The following CHST1 variants were observed in gnomAD, a reference collection of about 807,000 sequenced individuals.
The protein encoded by CHST1 is Keratan sulfotransferase.
CHST1 carries 10 observed loss-of-function variants against 22.5 expected under a neutral mutation model. That is an observed-to-expected ratio of 0.44 (90% CI 0.27 to 0.75). The LOEUF is 0.75. Ranked by LOEUF, CHST1 falls within the 30% of genes least tolerant of loss-of-function variation. CHST1 has a pLI of 0.15. For synonymous variants in CHST1, 267 were observed against 264.5 expected (o/e 1.01, Z -0.09); for missense variants, 439 against 576.1 (o/e 0.76, Z 2.44).
At chr11:45,654,226 C>T (rs1435776247) in intron 1 of CHST1, among the ~76,000 whole-genome samples, 1 of 151,890 alleles carries the variant, frequency 6.6e-6, no homozygotes, top group Non-Finnish European at 1.5e-5. Flanking sequence ...CCCAGAGAAA[C>T]TTAAGGCCAG....
At chr11:45,654,139 TTTTA>T (rs908721343) in intron 1 of CHST1, among the ~76,000 whole-genome samples, 2 of 152,186 alleles carry the variant, frequency 1.3e-5, no homozygotes, top group African/African-American at 4.8e-5. Flanking sequence ...CACCCTAGGG[TTTTA>T]TTTAAAGAGA....
intron 1 of CHST1, among the ~76,000 whole-genome samples, chr11:45,662,429 A>G (rs1260170673): frequency 1.3e-5 from 2 of 152,114 alleles, no homozygotes; most frequent in Non-Finnish European, 2.9e-5. Flanking sequence ...CCTGAAACAA[A>G]TGCTCCGTAG....
intron 1 of CHST1, among the ~76,000 whole-genome samples, chr11:45,662,522 G>A (rs1335385986): frequency 6.6e-6 from 1 of 152,206 alleles, no homozygotes; most frequent in African/African-American, 2.4e-5. Flanking sequence ...GGCCAGCCCA[G>A]CAAGATGTCA....
At chr11:45,661,038 A>G (rs1468586267) in intron 1 of CHST1, among the ~76,000 whole-genome samples, 2 of 152,264 alleles carry the variant, frequency 1.3e-5, no homozygotes, top group Admixed American at 1.3e-4. Flanking sequence ...ATCATGCCTG[A>G]CAAACTTGAT....
In CHST1 at chr11:45,649,362, G is replaced by A; in HGVS notation, c.*326C>T. 1 of 341,458 alleles carries A rather than the reference G, an allele frequency of 2.9e-6. No homozygotes were observed. 21.2% of individuals were successfully genotyped at this position (341,458 alleles called of 1,614,324 possible). Reference sequence around the variant, plus strand: ...AAAAGCTTGAGAAGTCGCCTCGCGAGTGCCCGTGTGCGTGTGTGGATGTGT... The same window carrying A: ...AAAAGCTTGAGAAGTCGCCTCGCGAATGCCCGTGTGCGTGTGTGGATGTGT... On this transcript the variant is annotated 3_prime_UTR_variant, in exon 4 of 4. Transcript: ENST00000308064.
chr11:45,650,541 TAGAGG>T lies in CHST1; in HGVS notation c.378_382del (p.Ser126ArgfsTer301). The T allele has an allele frequency of 6.2e-7, 1 of 1,613,872 alleles. No homozygotes were observed. The highest frequency in any genetic ancestry group is 8.5e-7 in the Non-Finnish European group (1 of 1,179,950). The stretch of plus-strand genomic sequence containing the variant: ...CTCCAGGAAGTAGAGGTCGCAGTCG[TAGAGG>T]CTCCGCAGGAGGTCGCGGCTGGCGC... On this transcript the variant is annotated frameshift_variant, in exon 4 of 4. Transcript: ENST00000308064. LOFTEE classifies it high-confidence loss of function.
intron 1 of CHST1, among the ~76,000 whole-genome samples, chr11:45,663,360 T>C (rs1291071246): frequency 1.3e-5 from 2 of 151,824 alleles, no homozygotes; most frequent in Non-Finnish European, 2.9e-5. Flanking sequence ...TCGGCAAGGG[T>C]TGGGGGGAGA....
chr11:45,661,586 G>A (rs568985439), intron 1 of CHST1, among the ~76,000 whole-genome samples: 83 of 152,216 alleles, frequency 5.5e-4, no homozygotes, highest in Non-Finnish European at 1.1e-3. Flanking sequence ...GTGTAGCTGA[G>A]AGAGGCTACA....
intron 1 of CHST1, among the ~76,000 whole-genome samples, chr11:45,654,185 G>A (rs1207267346): frequency 2.0e-5 from 3 of 152,166 alleles, no homozygotes; most frequent in Non-Finnish European, 4.4e-5. Context: ...GGAGGGGGCC[G>A]TTTAAGTTTC....
In CHST1 at chr11:45,649,709, C is replaced by A; in HGVS notation, c.1215G>T (p.Arg405=). The change falls in exon 4 of 4, where the codon CGG becomes CGT. Residue 405 remains arginine (R), a synonymous_variant. Transcript: ENST00000308064. ...KNPSVSLVEE[R]DFRPFS The stretch of plus-strand genomic sequence containing the variant: ...CGGGTCACGAGAAGGGGCGGAAGTC[C>A]CGCTCCTCCACCAGGCTGACCGAGG... 1 of 1,584,776 alleles carries A rather than the reference C, an allele frequency of 6.3e-7. No individual in the cohort carries two copies. The highest frequency in any genetic ancestry group is 8.6e-7 in the Non-Finnish European group (1 of 1,167,354).
rs546830549 is a variant in CHST1 at position 45,658,640 on chromosome 11, A to G, written c.-226-6034T>C. Among the ~76,000 whole-genome samples the G allele has an allele frequency of 1.5e-4, 23 of 152,238 alleles. No homozygotes were observed. In the South Asian group the frequency reaches 4.6e-3, roughly 30 times the overall value. On this transcript the variant is annotated intron_variant, in intron 1 of 3. Coordinates refer to ENST00000308064, the MANE Select transcript of CHST1 (RefSeq NM_003654.6). ...GGGGAGAGTGACTGACCTCCTGGCC[A>G]CAACACAAGGCCCCAGTGTGCCCAG...
chr11:45,647,856 G>A lies in CHST1; in HGVS notation c.*1832C>T, dbSNP rs182856881. 6.6e-6 allele frequency among the ~76,000 whole-genome samples: 1 copy of A among 152,316 alleles called. No homozygotes were observed. The highest frequency in any genetic ancestry group is 1.9e-4 in the East Asian group (1 of 5,178). ...AGGCATTTGCTAGAGCTGTTGAACT[G>A]TCTACATCCTCCTGACACATATAAA... On this transcript the variant is annotated 3_prime_UTR_variant, in exon 4 of 4. Coordinates refer to ENST00000308064, the MANE Select transcript of CHST1 (RefSeq NM_003654.6).
intron 1 of CHST1, among the ~76,000 whole-genome samples, chr11:45,659,237 A>C (rs1852100255): frequency 6.6e-6 from 1 of 152,158 alleles, no homozygotes; most frequent in Non-Finnish European, 1.5e-5. Context: ...ACGCACAGCT[A>C]GTCTGTGGTG....
chr11:45,661,441 A>C (rs1421966280), intron 1 of CHST1, among the ~76,000 whole-genome samples: 4 of 152,224 alleles, frequency 2.6e-5, no homozygotes, highest in Non-Finnish European at 4.4e-5. Flanking sequence ...ACAGCAAAAC[A>C]GTCCAGAGAG....
chr11:45,649,234 G>C lies in CHST1; in HGVS notation c.*454C>G, dbSNP rs1407321602. On this transcript the variant is annotated 3_prime_UTR_variant, in exon 4 of 4. Coordinates refer to ENST00000308064, the MANE Select transcript of CHST1 (RefSeq NM_003654.6). ...AGGAGGCAGGGATGGGGAAAGGATG[G>C]ACACCATTCATAAATTAGAGACAAG... is the stretch of plus-strand genomic sequence containing the variant. 6.3e-6 allele frequency: 1 copy of C among 159,238 alleles called. No homozygotes were observed. Among genetic ancestry groups the C allele is most frequent in the Non-Finnish European group, 1.4e-5 (1 of 72,938 alleles). The allele number at this position is 159,238 out of a possible 1,614,324, so 9.9% of individuals were successfully genotyped here.
At chr11:45,654,747 T>C (rs948618207) in intron 1 of CHST1, among the ~76,000 whole-genome samples, 3 of 152,210 alleles carry the variant, frequency 2.0e-5, no homozygotes, top group Non-Finnish European at 4.4e-5. Flanking sequence ...GATCTATCAT[T>C]TCTGTTAGAA....
intron 1 of CHST1, among the ~76,000 whole-genome samples, chr11:45,664,249 C>T (rs929745166): frequency 3.9e-5 from 6 of 152,234 alleles, no homozygotes; most frequent in African/African-American, 1.4e-4. Context: ...CCTGCCCCAG[C>T]CTCCAGCTCC....
chr11:45,656,934 G>A (rs41496154), intron 1 of CHST1, among the ~76,000 whole-genome samples: 4,424 of 152,218 alleles, frequency 0.029, 197 homozygotes, highest in African/African-American at 0.1. Context: ...GCTGAGCCCT[G>A]GGATGGGGAA....
intron 1 of CHST1, among the ~76,000 whole-genome samples, chr11:45,663,704 T>C (rs1220064897): frequency 1.4e-5 from 2 of 146,566 alleles, no homozygotes; most frequent in African/African-American, 4.9e-5. Context: ...CATCCTGGCC[T>C]AGGGCTGCTC....
Sources: allele counts gnomAD v4.1 joint callset (sites outside exome capture counted in the v4.1 genomes callset), GRCh38; gene constraint gnomAD v4.1.1; transcripts MANE v1.5; gene names NCBI Gene and HGNC (gene_info 2026-07-23, HGNC 2026-07-21).